Variants in PTPRN2 observed in about 807,000 individuals in gnomAD.
PTPRN2 encodes protein tyrosine phosphatase receptor type N2.
PTPRN2 carries 74 observed loss-of-function variants against 118.8 expected under a neutral mutation model. The observed-to-expected ratio is 0.62, with a 90% CI of 0.52 to 0.76. PTPRN2 has a LOEUF of 0.76. Ranked by LOEUF, PTPRN2 falls within the 30% of genes least tolerant of loss-of-function variation. The pLI is 0.00. For synonymous variants in PTPRN2, 641 were observed against 608.0 expected, an observed-to-expected ratio of 1.05 and a Z score of -0.80; for missense variants, 1,481 against 1,394.4, an observed-to-expected ratio of 1.06 and a Z score of -0.99.
intron 2 of PTPRN2, among the ~76,000 whole-genome samples, chr7:158,411,270 C>A (rs1004367662): frequency 1.3e-5 from 2 of 152,194 alleles, no homozygotes; most frequent in Non-Finnish European, 2.9e-5. Context: ...CTCCCTTCCC[C>A]ACGTAAAGAT....
intron 12 of PTPRN2, among the ~76,000 whole-genome samples, chr7:157,826,720 T>TG: frequency 6.6e-6 from 1 of 152,126 alleles, no homozygotes; most frequent in East Asian, 1.9e-4. Flanking sequence ...GGCGGGGACT[T>TG]GGGGGTGTCA....
At chr7:158,513,328 GA>G (rs1823309645) in intron 1 of PTPRN2, among the ~76,000 whole-genome samples, 1 of 152,334 alleles carries the variant, frequency 6.6e-6, no homozygotes, top group Admixed American at 6.5e-5. Flanking sequence ...AGGAAAGTCT[GA>G]GAAAATGTGA....
chr7:157,939,953 C>T (rs547563888), intron 11 of PTPRN2, among the ~76,000 whole-genome samples: 2 of 152,276 alleles, frequency 1.3e-5, no homozygotes, highest in East Asian at 1.9e-4. Flanking sequence ...ACTGCACAGG[C>T]GGGGAAGAGC....
intron 15 of PTPRN2, among the ~76,000 whole-genome samples, chr7:157,613,190 G>A (rs10259834): frequency 0.022 from 3,420 of 152,310 alleles, 115 homozygotes; most frequent in African/African-American, 0.077. Flanking sequence ...GAAGCGGTCC[G>A]CAAACAGGTC....
At chr7:157,652,412 G>A (rs926207222) in intron 14 of PTPRN2, among the ~76,000 whole-genome samples, 1 of 152,244 alleles carries the variant, frequency 6.6e-6, no homozygotes, top group African/African-American at 2.4e-5. Flanking sequence ...TTGGAGGTCT[G>A]TCCTGGGACA....
At chr7:158,276,903 T>A (rs1034588030) in intron 3 of PTPRN2, among the ~76,000 whole-genome samples, 1 of 152,114 alleles carries the variant, frequency 6.6e-6, no homozygotes, top group Non-Finnish European at 1.5e-5. Context: ...GGGGGCCATA[T>A]GCTCAGGTGC....
Position 157,674,353 on chromosome 7 carries a change from T to C in PTPRN2, c.2001+8372A>G, listed in dbSNP as rs1390413885. Among the ~76,000 whole-genome samples the C allele has an allele frequency of 6.6e-6, 1 of 152,128 alleles. No homozygotes were observed. Among genetic ancestry groups the C allele is most frequent in the Non-Finnish European group, 1.5e-5 (1 of 68,014 alleles). ...GCGGCCGGCAGATCAGCCTTCCTTA[T>C]CCACGTCCTCGAAGTGATCCCCGTT... On this transcript the variant is annotated intron_variant, in intron 13 of 22. Transcript: ENST00000389418. This position sits in a 1 kb window ranked among gnomAD's most constrained non-coding sequence, Gnocchi z 4.5.
At position 158,373,572 on chromosome 7, in the gene PTPRN2, C is replaced by G. The variant is rs144922617; in HGVS notation, c.164-56640G>C. ...CAGAGGAAAAACAGACCAGCTGCCA[C>G]TGAAGCAAACGAAGTCTCTCCTGGC... is the stretch of plus-strand genomic sequence containing the variant. On this transcript the variant is annotated intron_variant, in intron 2 of 22. Coordinates refer to ENST00000389418, the MANE Select transcript of PTPRN2 (RefSeq NM_002847.5). Among the ~76,000 whole-genome samples, 907 of 152,330 alleles carry G rather than the reference C, an allele frequency of 6.0e-3. 8 individuals carry two copies. Among genetic ancestry groups the G allele is most frequent in the African/African-American group, 0.02 (851 of 41,586 alleles).
In PTPRN2 at chr7:158,361,501, C is replaced by T. The variant is rs1808958609; in HGVS notation, c.164-44569G>A. Among the ~76,000 whole-genome samples, 7 of 152,326 alleles carry T rather than the reference C, an allele frequency of 4.6e-5. No individual in the cohort carries two copies. The South Asian group carries it at 1.4e-3, about 32-fold the overall frequency. ...CTTTTGCTCTTTCTTGCTGCTCAGG[C>T]CATCCACACCTGGCAGAAATCCCCA... On this transcript the variant is annotated intron_variant, in intron 2 of 22. Transcript: ENST00000389418.
chr7:157,937,584 C>G (rs1563254931), intron 11 of PTPRN2, among the ~76,000 whole-genome samples: 2 of 152,192 alleles, frequency 1.3e-5, no homozygotes, highest in South Asian at 4.1e-4. Flanking sequence ...CTCCACCTTT[C>G]CCACCCAGGA....
chr7:158,272,726 C>G (rs972590882), intron 3 of PTPRN2, among the ~76,000 whole-genome samples: 4 of 152,110 alleles, frequency 2.6e-5, no homozygotes, highest in African/African-American at 9.7e-5. Flanking sequence ...TGGAGACAGT[C>G]GCATCTGCCA....
chr7:157,597,823 G>A (rs1448864943), intron 16 of PTPRN2, among the ~76,000 whole-genome samples: 1 of 152,242 alleles, frequency 6.6e-6, no homozygotes, highest in Admixed American at 6.5e-5. Context: ...TCCTGTGGGG[G>A]CCACTGGGAA....
At chr7:158,561,371 G>A (rs1478503032) in intron 1 of PTPRN2, among the ~76,000 whole-genome samples, 1 of 152,148 alleles carries the variant, frequency 6.6e-6, no homozygotes, top group Non-Finnish European at 1.5e-5. Context: ...GGGGTGTGGG[G>A]CTCCTTCTGT....
intron 11 of PTPRN2, among the ~76,000 whole-genome samples, chr7:158,008,439 C>T (rs1805817373): frequency 6.6e-6 from 1 of 152,244 alleles, no homozygotes; most frequent in African/African-American, 2.4e-5. Context: ...CAGTTCTGTC[C>T]TTCCTCATAA....
intron 12 of PTPRN2, among the ~76,000 whole-genome samples, chr7:157,738,191 C>T (rs1317858965): frequency 6.6e-6 from 1 of 152,206 alleles, no homozygotes; most frequent in South Asian, 2.1e-4. Flanking sequence ...TGTGGCCGTA[C>T]ACAATAAGCT....
At chr7:157,654,945 T>C (rs1285404390) in intron 14 of PTPRN2, among the ~76,000 whole-genome samples, 2 of 152,242 alleles carry the variant, frequency 1.3e-5, no homozygotes, top group African/African-American at 4.8e-5. Context: ...TCCTGGTCTC[T>C]GCTCCTTTTC....
intron 11 of PTPRN2, among the ~76,000 whole-genome samples, chr7:157,945,918 C>T (rs920048446): frequency 6.6e-6 from 1 of 152,130 alleles, no homozygotes; most frequent in Non-Finnish European, 1.5e-5. Context: ...GGTGCCTTCC[C>T]CCTTCCTGGA....
chr7:157,749,060 A>C (rs1801251224), intron 12 of PTPRN2, among the ~76,000 whole-genome samples: 1 of 112,090 alleles, frequency 8.9e-6, no homozygotes, highest in African/African-American at 3.9e-5. Flanking sequence ...TGCGTCCCTG[A>C]GCTGTGGGCT....
chr7:157,650,252 G>C lies in PTPRN2; in HGVS notation c.2196+6105C>G, dbSNP rs117797792. On this transcript the variant is annotated intron_variant, in intron 14 of 22. Transcript: ENST00000389418. ...GCTTCCCAAACCTGCCCGCCGGAGA[G>C]AGACATCCCCCGCAGGGGCTCCCCA... 6.2e-3 allele frequency among the ~76,000 whole-genome samples: 942 copies of C among 152,328 alleles called. 5 individuals are homozygous for C. Among genetic ancestry groups the C allele is most frequent in the Middle Eastern group, 0.014 (4 of 294 alleles).
Sources: gnomAD v4.1 joint callset for allele counts (sites outside exome capture counted in the v4.1 genomes callset) on GRCh38, gnomAD v4.1.1 for gene constraint, Gnocchi (gnomAD v3.1) non-coding constraint, MANE v1.5 for transcripts, NCBI Gene and HGNC (gene_info 2026-07-23, HGNC 2026-07-21) for gene names.